The following KDM2B variants were observed in gnomAD, a reference collection of about 807,000 sequenced individuals.
The protein encoded by KDM2B is lysine demethylase 2B, also known as lysine-specific demethylase 2B.
KDM2B carries 26 observed loss-of-function variants against 150.0 expected under a neutral mutation model. That is an observed-to-expected ratio of 0.17 (90% CI 0.13 to 0.24). The LOEUF (loss-of-function observed/expected upper bound fraction) is 0.24. Among genes scored for constraint, KDM2B ranks in the 10% least tolerant of loss-of-function variants. The pLI is 1.00. For missense variants in KDM2B, 1,265 were observed against 1,816.9 expected, an observed-to-expected ratio of 0.70 and a Z score of 5.52; for synonymous variants, 734 against 729.5, an observed-to-expected ratio of 1.01 and a Z score of -0.10.
chr12:121,580,324 G>C (rs1210287592), intron 1 of KDM2B: 3 of 1,091,516 alleles, frequency 2.7e-6, no homozygotes, highest in Non-Finnish European at 3.3e-6. Context: ...CGGAGCCCGC[G>C]GCCGGGCTAT....
chr12:121,428,974 G>A (rs1872660321), downstream of KDM2B: 3 of 152,358 alleles, frequency 2.0e-5, no homozygotes, highest in South Asian at 4.1e-4. Context: ...TCCTACGCGT[G>A]GCCGTTGTCA....
At chr12:121,536,942 G>A (rs1382966808) in intron 6 of KDM2B, among the ~76,000 whole-genome samples, 1 of 152,210 alleles carries the variant, frequency 6.6e-6, no homozygotes, top group African/African-American at 2.4e-5. Context: ...AGCACGTGCA[G>A]AAAAGAATCG....
chr12:121,526,398 A>C (rs1257402149), intron 8 of KDM2B, among the ~76,000 whole-genome samples: 2 of 152,106 alleles, frequency 1.3e-5, no homozygotes, highest in African/African-American at 4.8e-5. Flanking sequence ...AATAGTTCTC[A>C]CATAGTCAAG....
intron 11 of KDM2B, 112 bp from the exon 12 acceptor site, chr12:121,494,777 G>T: frequency 1.4e-6 from 1 of 719,438 alleles, no homozygotes; most frequent in Non-Finnish European, 2.2e-6. Context: ...GTCAGCGCCT[G>T]GCCATTGACT....
At chr12:121,444,591 G>C in intron 14 of KDM2B, 55 bp from the exon 15 acceptor site, 1 of 1,458,326 alleles carries the variant, frequency 6.9e-7, no homozygotes, top group Non-Finnish European at 9.6e-7. Context: ...TGGCCCACGG[G>C]CACAAGGCTC....
intron 10 of KDM2B, among the ~76,000 whole-genome samples, chr12:121,511,340 G>A (rs1555303987): frequency 6.9e-6 from 1 of 144,250 alleles, no homozygotes; most frequent in Non-Finnish European, 1.5e-5. Flanking sequence ...AGACTGGAGT[G>A]CAATGGCGCG....
rs551031578 is a variant in KDM2B, at chr12:121,429,922, C to T, written c.*366G>A. On this transcript the variant is annotated 3_prime_UTR_variant, in exon 23 of 23. Transcript: ENST00000377071. ...CACTTTATGTCAACACCCAAAACCTCGGTGTTGCAAGGAATGAAGTGTCCA... is the reference window on the plus strand; with the variant it reads ...CACTTTATGTCAACACCCAAAACCTTGGTGTTGCAAGGAATGAAGTGTCCA... 104 of 619,522 alleles carry T rather than the reference C, an allele frequency of 1.7e-4. No homozygotes were observed. The highest frequency in any genetic ancestry group is 1.5e-3 in the African/African-American group (83 of 54,190). The allele number at this position is 619,522 out of a possible 1,614,324, so 38.4% of individuals were successfully genotyped here. A position where few individuals can be genotyped will look rare whatever the true frequency, so the allele number is the denominator to read the frequency against.
chr12:121,522,876 C>A (rs1364048023), intron 8 of KDM2B, among the ~76,000 whole-genome samples: 3 of 152,138 alleles, frequency 2.0e-5, no homozygotes, highest in African/African-American at 7.2e-5. Flanking sequence ...AAGTGAGGCA[C>A]AGAAAAATGA....
At chr12:121,563,109 T>C (rs1237790636) in intron 4 of KDM2B, among the ~76,000 whole-genome samples, 15 of 151,388 alleles carry the variant, frequency 9.9e-5, no homozygotes, top group Admixed American at 9.9e-4. Context: ...CTTAGGCCCG[T>C]GAGTTTGCGA....
chr12:121,447,924 T>G (rs1876545833), intron 13 of KDM2B, among the ~76,000 whole-genome samples: 1 of 152,090 alleles, frequency 6.6e-6, no homozygotes, highest in African/African-American at 2.4e-5. Context: ...CCCAAAGTGT[T>G]GTGATTGCAG....
At chr12:121,480,833 C>T (rs539822014) in intron 12 of KDM2B, among the ~76,000 whole-genome samples, 4 of 151,916 alleles carry the variant, frequency 2.6e-5, no homozygotes, top group East Asian at 1.9e-4. Flanking sequence ...ACCCGGCCAT[C>T]GCCTGTCATC....
intron 4 of KDM2B, among the ~76,000 whole-genome samples, chr12:121,570,970 T>C (rs1891045016): frequency 6.6e-6 from 1 of 152,296 alleles, no homozygotes; most frequent in South Asian, 2.1e-4. Context: ...ATAAACAAAA[T>C]GTAGTCTATC....
chr12:121,520,910 C>G lies in KDM2B; in HGVS notation c.1047+75G>C. ...GGAACTGTGGAGGACTTCAGTATGA[C>G]CTGTCCCACACACCGAGCACCGGCA... On this transcript the variant is annotated intron_variant, in intron 9 of 22. Transcript: ENST00000377071. The surrounding 1 kb of genome is among the most constrained non-coding windows in gnomAD (Gnocchi z 4.5). 1.8e-6 allele frequency: 2 copies of G among 1,087,896 alleles called. No homozygotes were observed. Among genetic ancestry groups the G allele is most frequent in the Admixed American group, 3.6e-5 (2 of 56,092 alleles). The allele number at this position is 1,087,896 out of a possible 1,614,324, so 67.4% of individuals were successfully genotyped here. A position where few individuals can be genotyped will look rare whatever the true frequency, so the allele number is the denominator to read the frequency against.
rs961036013 is a variant in KDM2B at position 121,443,632 on chromosome 12, G to A, written c.2565+48C>T. ...CGGGGTGGGGTGGGGGACAGCCCAG[G>A]ACTCGCCAGTCCCCGGGGCCTCAGG... On this transcript the variant is annotated intron_variant, in intron 17 of 22. Coordinates refer to ENST00000377071, the MANE Select transcript of KDM2B (RefSeq NM_032590.5). 7 of 1,129,836 alleles carry A rather than the reference G, an allele frequency of 6.2e-6. No individual in the cohort carries two copies. The Middle Eastern group carries it at 1.1e-3, about 177-fold the overall frequency. 70.0% of individuals were successfully genotyped at this position (1,129,836 alleles called of 1,614,324 possible).
the KDM2B span, among the ~76,000 whole-genome samples, chr12:121,411,685 ATT>A: frequency 1.3e-5 from 2 of 152,174 alleles, no homozygotes; most frequent in African/African-American, 4.8e-5. Context: ...GATAATAGGA[ATT>A]TTTTACACAG....
At chr12:121,546,954 C>G (rs1408631539) in intron 6 of KDM2B, among the ~76,000 whole-genome samples, 3 of 152,032 alleles carry the variant, frequency 2.0e-5, no homozygotes, top group Admixed American at 1.3e-4. Flanking sequence ...CTCTTGGCCT[C>G]GCAAAGTGCT....
chr12:121,479,378 A>G (rs1263536196), intron 12 of KDM2B, among the ~76,000 whole-genome samples: 2 of 150,788 alleles, frequency 1.3e-5, no homozygotes, highest in African/African-American at 2.4e-5. Flanking sequence ...GAGGCAGGAG[A>G]ATGGCGTGAA....
chr12:121,580,262 GA>G, intron 1 of KDM2B: 7 of 1,112,986 alleles, frequency 6.3e-6, no homozygotes, highest in Non-Finnish European at 5.6e-6. Flanking sequence ...TGGGGGGGGG[GA>G]GGCGTCGACG....
the KDM2B span, among the ~76,000 whole-genome samples, chr12:121,412,324 C>T: frequency 6.9e-6 from 1 of 145,032 alleles, no homozygotes; most frequent in East Asian, 2.1e-4. Context: ...ACTGCAAGCT[C>T]TGCCTCCCGG....
Sources: gnomAD v4.1 joint callset for allele counts (sites outside exome capture counted in the v4.1 genomes callset) on GRCh38, gnomAD v4.1.1 for gene constraint, Gnocchi (gnomAD v3.1) non-coding constraint, MANE v1.5 for transcripts, NCBI Gene and HGNC (gene_info 2026-07-23, HGNC 2026-07-21) for gene names.